Variants in DPP6 observed in about 807,000 individuals in gnomAD.
The protein encoded by DPP6 is dipeptidyl peptidase like 6.
In DPP6, 69 loss-of-function variants were observed where a neutral mutation model predicts 122.6. The ratio of observed to expected loss-of-function variants is 0.56; its 90% CI spans 0.46 to 0.69. DPP6 has a LOEUF of 0.69. Among genes scored for constraint, DPP6 ranks in the 30% least tolerant of loss-of-function variants. DPP6 has a pLI of 0.00. For missense variants in DPP6, 928 were observed against 1,116.9 expected, an observed-to-expected ratio of 0.83 and a Z score of 2.41; for synonymous variants, 418 against 433.1, an observed-to-expected ratio of 0.97 and a Z score of 0.43.
At chr7:154,264,163 G>A (rs1803215863) in intron 1 of DPP6, among the ~76,000 whole-genome samples, 1 of 152,104 alleles carries the variant, frequency 6.6e-6, no homozygotes, top group East Asian at 1.9e-4. Context: ...AGTGTGAGAG[G>A]TGCATTTTAT....
At chr7:154,474,393 G>A (rs934059699) in intron 2 of DPP6, among the ~76,000 whole-genome samples, 1 of 152,214 alleles carries the variant, frequency 6.6e-6, no homozygotes, top group African/African-American at 2.4e-5. Context: ...GCAGAATCTG[G>A]TAGTCTGTGT....
intron 1 of DPP6, among the ~76,000 whole-genome samples, chr7:154,203,891 T>C (rs1035948371): frequency 2.0e-5 from 3 of 152,340 alleles, no homozygotes; most frequent in African/African-American, 7.2e-5. Context: ...CAGTAACATC[T>C]ATTTTTGTGT....
chr7:154,452,266 TA>T (rs1820449723), intron 2 of DPP6, among the ~76,000 whole-genome samples: 1 of 152,140 alleles, frequency 6.6e-6, no homozygotes, highest in African/African-American at 2.4e-5. Context: ...TATCATTAAG[TA>T]AAAATAAAAG....
At chr7:153,904,626 T>G (rs1799772527) in intron 1 of DPP6, among the ~76,000 whole-genome samples, 1 of 152,222 alleles carries the variant, frequency 6.6e-6, no homozygotes, top group African/African-American at 2.4e-5. Flanking sequence ...AAATTCTCAC[T>G]ATTGATTGAA....
chr7:153,940,338 T>C (rs778931311), intron 1 of DPP6, among the ~76,000 whole-genome samples: 39 of 152,258 alleles, frequency 2.6e-4, no homozygotes, highest in South Asian at 1.7e-3. Flanking sequence ...GGGATTGATA[T>C]GGACAAAACA....
chr7:154,054,800 T>G (rs940771192), intron 1 of DPP6, among the ~76,000 whole-genome samples: 14 of 148,730 alleles, frequency 9.4e-5, no homozygotes, highest in African/African-American at 3.5e-4. Context: ...ATTGTTGAAT[T>G]GTGGATGTTT....
chr7:154,853,482 A>G (rs1276023722), intron 16 of DPP6, among the ~76,000 whole-genome samples: 2 of 152,242 alleles, frequency 1.3e-5, no homozygotes, highest in Non-Finnish European at 2.9e-5. Context: ...TTATGAGGAT[A>G]TAAACCAAAT....
chr7:154,769,436 C>T lies in DPP6; in HGVS notation c.903C>T (p.His301=). The T allele has an allele frequency of 6.2e-7, 1 of 1,613,750 alleles. No homozygotes were observed. Among genetic ancestry groups the T allele is most frequent in the Non-Finnish European group, 8.5e-7 (1 of 1,179,854 alleles). The part of the protein sequence containing the change: ...WLYEEEILKT[H]IAHWWSPDGT... ...CCTTAGAGGAGATTTTGAAGACACA[C>T]ATCGCACACTGGTGGTCTCCGGATG... Residue 301 remains histidine (H), a synonymous_variant, in exon 9 of 26, where the codon CAC becomes CAT. Transcript: ENST00000377770.
At chr7:154,044,832 T>C (rs1431398232) in intron 1 of DPP6, among the ~76,000 whole-genome samples, 1 of 152,230 alleles carries the variant, frequency 6.6e-6, no homozygotes, top group Non-Finnish European at 1.5e-5. Context: ...TTTATTGCAT[T>C]GAAAAAGCAA....
intron 1 of DPP6, among the ~76,000 whole-genome samples, chr7:154,065,489 C>A (rs1802639871): frequency 6.6e-6 from 1 of 151,652 alleles, no homozygotes; most frequent in African/African-American, 2.4e-5. Flanking sequence ...AAAACACAAC[C>A]AGCAGTGAAG....
chr7:154,535,251 G>A (rs1828144962), intron 3 of DPP6, among the ~76,000 whole-genome samples: 1 of 152,026 alleles, frequency 6.6e-6, no homozygotes, highest in African/African-American at 2.4e-5. Flanking sequence ...AAATGAAAGA[G>A]CTAAAATTAT....
intron 5 of DPP6, among the ~76,000 whole-genome samples, chr7:154,631,265 G>A (rs2130898192): frequency 6.6e-6 from 1 of 152,342 alleles, no homozygotes; most frequent in Non-Finnish European, 1.5e-5. Context: ...AAGGTGAAGA[G>A]CCTGGATGGA....
At chr7:154,071,176 T>C (rs1190898975) in intron 1 of DPP6, among the ~76,000 whole-genome samples, 1 of 152,196 alleles carries the variant, frequency 6.6e-6, no homozygotes, top group Non-Finnish European at 1.5e-5. Context: ...GTTGTATTTT[T>C]TTGACCATTG....
intron 1 of DPP6, among the ~76,000 whole-genome samples, chr7:154,169,307 T>C (rs1797415942): frequency 6.6e-6 from 1 of 151,926 alleles, no homozygotes; most frequent in South Asian, 2.1e-4. Flanking sequence ...GGTCCTAAGT[T>C]ACTGGGTGCC....
chr7:153,973,328 A>G lies in DPP6; in HGVS notation c.51+85594A>G, dbSNP rs9770040. ...AGAATTTTGTGGTGTGGCATGAGAC[A>G]CTCAGAGCTGATGGAAGTCTAGAAA... On this transcript the variant is annotated intron_variant, in intron 1 of 25. Coordinates refer to the DPP6 transcript ENST00000404039. Among the ~76,000 whole-genome samples, 126 of 152,328 alleles carry G rather than the reference A, an allele frequency of 8.3e-4. 1 individual carries two copies. The highest frequency in any genetic ancestry group is 1.4e-3 in the Admixed American group (21 of 15,296).
chr7:154,263,270 G>C (rs1375033075), intron 1 of DPP6, among the ~76,000 whole-genome samples: 1 of 152,206 alleles, frequency 6.6e-6, no homozygotes, highest in Non-Finnish European at 1.5e-5. Context: ...AAGGAGCAAA[G>C]AAAATCAGCT....
chr7:154,510,891 C>T (rs1327461520), intron 3 of DPP6, among the ~76,000 whole-genome samples: 1 of 148,310 alleles, frequency 6.7e-6, no homozygotes, highest in Non-Finnish European at 1.5e-5. Context: ...CTCTCGTGCT[C>T]TCTCTCTCTC....
intron 10 of DPP6, among the ~76,000 whole-genome samples, chr7:154,773,938 C>T (rs1563195020): frequency 6.6e-6 from 1 of 152,206 alleles, no homozygotes; most frequent in Non-Finnish European, 1.5e-5. Flanking sequence ...CTTTGCCCCA[C>T]ACCCTGAGCT....
chr7:154,153,003 A>G (rs1260893329), intron 1 of DPP6, among the ~76,000 whole-genome samples: 1 of 152,266 alleles, frequency 6.6e-6, no homozygotes, highest in African/African-American at 2.4e-5. Flanking sequence ...CATAAAAAGC[A>G]TAAAACCCGA....
Sources: gnomAD v4.1 joint callset for allele counts (sites outside exome capture counted in the v4.1 genomes callset) on GRCh38, gnomAD v4.1.1 for gene constraint, MANE v1.5 for transcripts, NCBI Gene and HGNC (gene_info 2026-07-23, HGNC 2026-07-21) for gene names.